OXNAD1: variants seen among roughly 807,000 people sequenced by gnomAD.
The protein encoded by OXNAD1 is oxidoreductase NAD-binding domain-containing protein 1.
In OXNAD1, 34 loss-of-function variants were observed where a neutral mutation model predicts 32.9. That is an observed-to-expected ratio of 1.03 (90% confidence interval 0.79 to 1.38). The LOEUF (loss-of-function observed/expected upper bound fraction) is 1.38. Ranked by LOEUF, OXNAD1 falls within the 40% of genes most tolerant of loss-of-function variation. OXNAD1 has a pLI of 0.00. For synonymous variants in OXNAD1, 134 were observed against 135.2 expected, an observed-to-expected ratio of 0.99 and a Z score of 0.06; for missense variants, 407 against 379.4, an observed-to-expected ratio of 1.07 and a Z score of -0.60.
intron 9 of OXNAD1, among the ~76,000 whole-genome samples, chr3:16,347,366 T>G: frequency 6.6e-6 from 1 of 152,370 alleles, no homozygotes; most frequent in East Asian, 1.9e-4. Context: ...CTCACAGTTC[T>G]GGAAGCCAGA....
rs1462144934 is a variant in OXNAD1 at position 16,302,510 on chromosome 3, ATC to A, written c.676-124_676-123del. 3.7e-5 allele frequency: 24 copies of A among 644,456 alleles called. No individual in the cohort carries two copies. In the African/African-American group the frequency reaches 4.1e-4, roughly 11 times the overall value. The allele number at this position is 644,456 out of a possible 1,614,324, so 39.9% of individuals were successfully genotyped here. On this transcript the variant is annotated intron_variant, in intron 7 of 8. Coordinates refer to ENST00000285083, the MANE Select transcript of OXNAD1 (RefSeq NM_138381.5). This position sits in a 1 kb window ranked among gnomAD's most constrained non-coding sequence, Gnocchi z 4.2. ...TCTGGCCTGCTAGGCTGCAAACAAT[ATC>A]TCTCTAAGTAGAGAGCGAGAGCGGC...
At position 16,302,776 on chromosome 3, in the gene OXNAD1, T is replaced by C; in HGVS notation, c.784+28T>C. Reference sequence around the variant, plus strand: ...GAGTCCCCTAAAGATATTTTGACTATCTCCATGCAGTTATTTGATGGACAC... The same window carrying C: ...GAGTCCCCTAAAGATATTTTGACTACCTCCATGCAGTTATTTGATGGACAC... On this transcript the variant is annotated intron_variant, in intron 8 of 8. Transcript: ENST00000285083. This position sits in a 1 kb window ranked among gnomAD's most constrained non-coding sequence, Gnocchi z 4.2. The C allele has an allele frequency of 2.0e-6, 3 of 1,527,492 alleles. No homozygotes were observed. Among genetic ancestry groups the C allele is most frequent in the Non-Finnish European group, 2.7e-6 (3 of 1,105,394 alleles). The allele number at this position is 1,527,492 out of a possible 1,614,324, so 94.6% of individuals were successfully genotyped here.
At position 16,301,759 on chromosome 3, in the gene OXNAD1, G is replaced by C; in HGVS notation, c.566G>C (p.Arg189Pro). The stretch of plus-strand genomic sequence containing the variant: ...ATTAACCCTCTGCTTTCCATCCTGC[G>C]GCACGCAGCAGATCTCCTCAGAGAG... ...VGINPLLSIL[R>P]HAADLLREQA... Residue 189 changes from arginine (R) to proline (P), a missense_variant, in exon 7 of 9, where the codon CGG (arginine) becomes CCG (proline). Transcript: ENST00000285083. This position sits in a 1 kb window ranked among gnomAD's most constrained non-coding sequence, Gnocchi z 4.1. 6.2e-7 allele frequency: 1 copy of C among 1,613,978 alleles called. No individual in the cohort carries two copies. The highest frequency in any genetic ancestry group is 8.5e-7 in the Non-Finnish European group (1 of 1,179,978).
downstream of OXNAD1, among the ~76,000 whole-genome samples, chr3:16,350,534 A>ACTAGG (rs2125317485): frequency 6.6e-6 from 1 of 151,852 alleles, no homozygotes; most frequent in South Asian, 2.1e-4. Flanking sequence ...ATCCATACAT[A>ACTAGG]CTATTCTGTA....
intron 1 of OXNAD1, among the ~76,000 whole-genome samples, chr3:16,266,513 G>A (rs934685096): frequency 1.3e-4 from 18 of 143,578 alleles, no homozygotes; most frequent in African/African-American, 4.7e-4. Flanking sequence ...TGAGGCAGGA[G>A]AATCTCTTGA....
chr3:16,331,506 C>T (rs139342906), intron 9 of OXNAD1, among the ~76,000 whole-genome samples: 1 of 152,174 alleles, frequency 6.6e-6, no homozygotes, highest in Non-Finnish European at 1.5e-5. Flanking sequence ...TTATATAACC[C>T]TCTGTTTTTC....
At chr3:16,268,522 G>A (rs1237314076) in intron 1 of OXNAD1, among the ~76,000 whole-genome samples, 4 of 151,334 alleles carry the variant, frequency 2.6e-5, no homozygotes, top group Admixed American at 6.6e-5. Flanking sequence ...GTAGAGATGG[G>A]GTTTCACCAT....
At chr3:16,323,208 C>T (rs2069280148) in intron 9 of OXNAD1, among the ~76,000 whole-genome samples, 1 of 152,170 alleles carries the variant, frequency 6.6e-6, no homozygotes, top group Non-Finnish European at 1.5e-5. Context: ...TCAGCTGTCC[C>T]GTTTTAGCAG....
chr3:16,302,035 G>C lies in OXNAD1; in HGVS notation c.675+167G>C, dbSNP rs773528781. On this transcript the variant is annotated intron_variant, in intron 7 of 8. Coordinates refer to ENST00000285083, the MANE Select transcript of OXNAD1 (RefSeq NM_138381.5). The surrounding 1 kb of genome is among the most constrained non-coding windows in gnomAD (Gnocchi z 4.2). ...AACCAACACACCTTACCCAAGACAA[G>C]TAAAACTGCTAGTGTTGAAGAGGCT... is the stretch of plus-strand genomic sequence containing the variant. 1.3e-5 allele frequency among the ~76,000 whole-genome samples: 2 copies of C among 152,168 alleles called. No homozygotes were observed. The highest frequency in any genetic ancestry group is 2.9e-5 in the Non-Finnish European group (2 of 68,036).
In OXNAD1 at chr3:16,302,542, G is replaced by C; in HGVS notation, c.676-98G>C. 1 of 766,336 alleles carries C rather than the reference G, an allele frequency of 1.3e-6. No individual in the cohort carries two copies. The highest frequency in any genetic ancestry group is 2.2e-6 in the Non-Finnish European group (1 of 449,892). The allele number at this position is 766,336 out of a possible 1,614,324, so 47.5% of individuals were successfully genotyped here. ...TAAGTAGAGAGCGAGAGCGGCAGAC[G>C]TGTGCAGAATGGGAGTTGAGGTTCA... On this transcript the variant is annotated intron_variant, in intron 7 of 8. Transcript: ENST00000285083. This position sits in a 1 kb window ranked among gnomAD's most constrained non-coding sequence, Gnocchi z 4.2.
intron 4 of OXNAD1, chr3:16,275,620 T>G (rs2065263954): frequency 6.0e-6 from 1 of 167,546 alleles, no homozygotes. Context: ...CATCCTTATG[T>G]AAGGAGTCTT....
At chr3:16,351,746 A>G (rs920919791), downstream of OXNAD1, among the ~76,000 whole-genome samples, 1 of 152,208 alleles carries the variant, frequency 6.6e-6, no homozygotes, top group African/African-American at 2.4e-5. This position sits in a 1 kb window ranked among gnomAD's most constrained non-coding sequence, Gnocchi z 5.4. Context: ...AAGCATATAA[A>G]CTATAAGTGC....
Position 16,320,721 on chromosome 3 carries a change from G to C in OXNAD1, c.*31-16391G>C, listed in dbSNP as rs1198669739. ...AGAAAGGAGGAGAATGTCCTTGGCAGAGGGGACACGGAAGAACTGGAGGCC... is the reference window on the plus strand; with the variant it reads ...AGAAAGGAGGAGAATGTCCTTGGCACAGGGGACACGGAAGAACTGGAGGCC... On this transcript the variant is annotated intron_variant, in intron 9 of 9. Coordinates refer to the OXNAD1 transcript ENST00000435829. The surrounding 1 kb of genome is among the most constrained non-coding windows in gnomAD (Gnocchi z 4.5). 6.6e-6 allele frequency among the ~76,000 whole-genome samples: 1 copy of C among 152,252 alleles called. No homozygotes were observed. The highest frequency in any genetic ancestry group is 1.5e-5 in the Non-Finnish European group (1 of 68,038).
rs1195828248 is a variant in OXNAD1 at position 16,346,131 on chromosome 3, A to G, written c.*31-3045A>G. 1 of 152,124 alleles carries G rather than the reference A, an allele frequency of 6.6e-6. No individual in the cohort carries two copies. Among genetic ancestry groups the G allele is most frequent in the Non-Finnish European group, 1.5e-5 (1 of 68,026 alleles). 9.4% of individuals were successfully genotyped at this position (152,124 alleles called of 1,614,324 possible). On this transcript the variant is annotated intron_variant, in intron 9 of 9. Coordinates refer to the OXNAD1 transcript ENST00000606098. This position sits in a 1 kb window ranked among gnomAD's most constrained non-coding sequence, Gnocchi z 4.4. ...CCAGCACCCCTCAGGAAGCTTGACA[A>G]TGAAGAGGAATTATTGATGAATGTG... is the stretch of plus-strand genomic sequence containing the variant.
chr3:16,332,157 A>G (rs977851779), intron 9 of OXNAD1, among the ~76,000 whole-genome samples: 7 of 152,070 alleles, frequency 4.6e-5, no homozygotes, highest in African/African-American at 1.7e-4. Flanking sequence ...CTTGTCCTTC[A>G]GTTCTGAAAA....
At chr3:16,274,233 A>G (rs533294686) in intron 4 of OXNAD1, among the ~76,000 whole-genome samples, 3 of 151,986 alleles carry the variant, frequency 2.0e-5, no homozygotes, top group East Asian at 3.9e-4. Context: ...TATATTTAAA[A>G]TTAACCTCAT....
chr3:16,266,114 G>C (rs1446098207), intron 1 of OXNAD1, among the ~76,000 whole-genome samples: 2 of 152,186 alleles, frequency 1.3e-5, no homozygotes, highest in Non-Finnish European at 2.9e-5. Flanking sequence ...GGAATCTTGA[G>C]TTGTTGATTA....
chr3:16,333,584 T>C (rs752751488), intron 9 of OXNAD1, among the ~76,000 whole-genome samples: 12 of 152,212 alleles, frequency 7.9e-5, no homozygotes, highest in Non-Finnish European at 1.5e-4. Flanking sequence ...TTTTAATGTT[T>C]AAAGTGAACA....
At position 16,321,584 on chromosome 3, in the gene OXNAD1, G is replaced by T. The variant is rs947024156; in HGVS notation, c.*31-15528G>T. On this transcript the variant is annotated intron_variant, in intron 9 of 9. Transcript: ENST00000435829. This position sits in a 1 kb window ranked among gnomAD's most constrained non-coding sequence, Gnocchi z 4.8. ...AGATTCTTCCAAGGAGTCTGGCTGT[G>T]AAGCCCCCCTCTCTGGAGGACTCCC... Among the ~76,000 whole-genome samples, 3 of 152,180 alleles carry T rather than the reference G, an allele frequency of 2.0e-5. No individual in the cohort carries two copies. The highest frequency in any genetic ancestry group is 4.4e-5 in the Non-Finnish European group (3 of 68,028).
Sources: gnomAD v4.1 joint callset for allele counts (sites outside exome capture counted in the v4.1 genomes callset) on GRCh38, gnomAD v4.1.1 for gene constraint, Gnocchi (gnomAD v3.1) non-coding constraint, MANE v1.5 for transcripts, NCBI Gene and HGNC (gene_info 2026-07-23, HGNC 2026-07-21) for gene names.